The following CCDC187 variants were observed in gnomAD, a reference collection of about 807,000 sequenced individuals.
CCDC187 encodes the protein coiled-coil domain-containing protein 187.
Under a neutral mutation model 38.0 loss-of-function variants are expected in CCDC187, and 32 were observed. That is an observed-to-expected ratio of 0.84 (90% CI 0.64 to 1.13). CCDC187 has a LOEUF of 1.13. Ranked by LOEUF, CCDC187 falls within the 50% of genes most tolerant of loss-of-function variation. The probability of loss-of-function intolerance (pLI) is 0.00; values close to 1 mark genes in which losing one functional copy is unlikely to be tolerated. For missense variants in CCDC187, 707 were observed against 786.8 expected, an observed-to-expected ratio of 0.90 and a Z score of 1.21; for synonymous variants, 333 against 347.9, an observed-to-expected ratio of 0.96 and a Z score of 0.48.
At chr9:136,287,234 TCAGC>T (rs1369770195) in intron 7 of CCDC187, among the ~76,000 whole-genome samples, 27,125 of 152,030 alleles carry the variant, frequency 0.18, 2,521 homozygotes, top group East Asian at 0.27. Flanking sequence ...GTAGAATAAG[TCAGC>T]CAGCCACAAA....
At chr9:136,292,070 G>A (rs1300194860) in intron 5 of CCDC187, 91 bp downstream of exon 5, 16 of 398,374 alleles carry the variant, frequency 4.0e-5, no homozygotes, top group African/African-American at 3.3e-4. Context: ...CTTCCTTCCA[G>A]GCGGCCTGGA....
In CCDC187 at chr9:136,290,659, G is replaced by A. The variant is rs1333553312; in HGVS notation, c.1954C>T (p.Arg652Trp). Reference protein sequence around the residue: ...FMRQKAQARRRQALEEKASAL... With the variant: ...FMRQKAQARRWQALEEKASAL... Reference sequence around the variant, plus strand: ...GAGGCCTTCTCCTCCAGGGCCTGCCGCCGCCGGGCCTGCGCCTTCTGGCGC... The same window carrying A: ...GAGGCCTTCTCCTCCAGGGCCTGCCACCGCCGGGCCTGCGCCTTCTGGCGC... The change falls in exon 6 of 26, where the codon CGG (arginine) becomes TGG (tryptophan). Residue 652 changes from arginine to tryptophan, a missense_variant. By Grantham distance (101) the Arg-to-Trp change is moderately radical (BLOSUM62 -3). Transcript: ENST00000638797. 13 of 398,312 alleles carry A rather than the reference G, an allele frequency of 3.3e-5. No homozygotes were observed. The highest frequency in any genetic ancestry group is 7.1e-5 in the East Asian group (2 of 28,078). 24.7% of individuals were successfully genotyped at this position (398,312 alleles called of 1,614,324 possible).
chr9:136,266,082 C>G (rs1447465882), intron 16 of CCDC187, 39 bp from the exon 17 acceptor site: 1 of 972,634 alleles, frequency 1.0e-6, no homozygotes. Flanking sequence ...ATGTTGACAG[C>G]CCGTGCAAGT....
chr9:136,293,450 T>TGCTCACACACATGC (rs1831423296), intron 4 of CCDC187, among the ~76,000 whole-genome samples: 5 of 35,150 alleles, frequency 1.4e-4, no homozygotes, highest in Non-Finnish European at 3.1e-4. Context: ...CACTCACACA[T>TGCTCACACACATGC]GCTCACACTC....
Position 136,259,363 on chromosome 9 carries a change from G to C in CCDC187, c.4296C>G (p.Pro1432=). Residue 1432 remains proline, a splice_region_variant and synonymous_variant, in exon 21 of 26, where the codon CCC becomes CCG. Transcript: ENST00000638797. ...AAGGGCTTCCAGGGAGAGTGCGTAC[G>C]GGAAAGGCTGGGCCCAGCCGCTGTC... The part of the protein sequence containing the change: ...PDGQRLGPAF[P]AEEAEGRLPT... 1.0e-6 allele frequency: 1 copy of C among 983,604 alleles called. No individual in the cohort carries two copies. The highest frequency in any genetic ancestry group is 4.7e-5 in the South Asian group (1 of 21,076). 60.9% of individuals were successfully genotyped at this position (983,604 alleles called of 1,614,324 possible). A position where few individuals can be genotyped will look rare whatever the true frequency, so the allele number is the denominator to read the frequency against.
intron 2 of CCDC187, among the ~76,000 whole-genome samples, chr9:136,301,940 C>A (rs1032545998): frequency 1.3e-5 from 2 of 151,868 alleles, no homozygotes; most frequent in African/African-American, 2.4e-5. Context: ...GGCTGGGCAC[C>A]GTGGCTCACA....
chr9:136,290,918 G>A lies in CCDC187; in HGVS notation c.1695C>T (p.Pro565=), dbSNP rs1588668819. The change falls in exon 6 of 26, where the codon CCC becomes CCT. Residue 565 remains proline, a synonymous_variant. Transcript: ENST00000638797. ...TCCAGGGCCGCTGGGCTGGAGGACT[G>A]GGCCTTTCCAGAGGGTTCCGCAGTC... ...GPRLRNPLER[P]SPPAQRPWSS... 1 of 398,634 alleles carries A rather than the reference G, an allele frequency of 2.5e-6. No individual in the cohort carries two copies. Among genetic ancestry groups the A allele is most frequent in the Non-Finnish European group, 4.4e-6 (1 of 226,108 alleles). 24.7% of individuals were successfully genotyped at this position (398,634 alleles called of 1,614,324 possible). A position where few individuals can be genotyped will look rare whatever the true frequency, so the allele number is the denominator to read the frequency against.
chr9:136,265,867 TG>T, intron 17 of CCDC187, 88 bp downstream of exon 17: 1 of 638,584 alleles, frequency 1.6e-6, no homozygotes, highest in Non-Finnish European at 1.9e-6. Flanking sequence ...GCTCTGTTGC[TG>T]GGGAATGTTC....
At chr9:136,255,308 C>G (rs946305379) in intron 25 of CCDC187, among the ~76,000 whole-genome samples, 174 bp from the exon 26 acceptor site, 1 of 152,208 alleles carries the variant, frequency 6.6e-6, no homozygotes, top group African/African-American at 2.4e-5. Flanking sequence ...GGGTTCACCA[C>G]GCCCACCCCC....
intron 19 of CCDC187, among the ~76,000 whole-genome samples, chr9:136,260,643 C>T (rs1830668297): frequency 6.6e-6 from 1 of 152,056 alleles, no homozygotes; most frequent in South Asian, 2.1e-4. Context: ...CTCCTGCTGT[C>T]TCAGGTGCCT....
At chr9:136,306,324 TC>T (rs1831803544), upstream of CCDC187, among the ~76,000 whole-genome samples, 1 of 152,054 alleles carries the variant, frequency 6.6e-6, no homozygotes, top group South Asian at 2.1e-4. Flanking sequence ...CTCTCTCCAC[TC>T]CACCCACCAT....
intron 2 of CCDC187, 52 bp from the exon 3 acceptor site, chr9:136,300,370 A>G: frequency 5.0e-6 from 2 of 398,230 alleles, no homozygotes; most frequent in Non-Finnish European, 8.9e-6. Flanking sequence ...ATCCGCAAAG[A>G]ACTTCCAAGA....
At chr9:136,293,959 T>C (rs906834356) in intron 4 of CCDC187, among the ~76,000 whole-genome samples, 1 of 145,732 alleles carries the variant, frequency 6.9e-6, no homozygotes, top group Non-Finnish European at 1.5e-5. Flanking sequence ...CATGCTCATA[T>C]ACACATGCCC....
At chr9:136,259,536 GC>G in intron 20 of CCDC187, 88 bp from the exon 21 acceptor site, 1 of 576,680 alleles carries the variant, frequency 1.7e-6, no homozygotes, top group Non-Finnish European at 2.2e-6. Flanking sequence ...GAATGGAGCT[GC>G]CAGGGGGTGG....
In CCDC187 at chr9:136,250,421, T is replaced by G. The variant is rs193057050; in HGVS notation, c.*3173A>C. The G allele has an allele frequency of 9.9e-4, 288 of 292,302 alleles. No homozygotes were observed. Among genetic ancestry groups the G allele is most frequent in the Middle Eastern group, 5.1e-3 (4 of 786 alleles). 18.1% of individuals were successfully genotyped at this position (292,302 alleles called of 1,614,324 possible). On this transcript the variant is annotated 3_prime_UTR_variant, in exon 26 of 26. Transcript: ENST00000638797. ...CACGTGGCAGCGAGCCTGGGAGCCA[T>G]CAGATTCGCTGCAAATCTGCGGGGC...
At chr9:136,259,124 G>C (rs1554760701) in intron 21 of CCDC187, 123 bp from the exon 22 acceptor site, 1 of 778,200 alleles carries the variant, frequency 1.3e-6, no homozygotes, top group East Asian at 1.3e-4. Context: ...GGACAGCCGG[G>C]GGCGGACAGG....
intron 10 of CCDC187, among the ~76,000 whole-genome samples, chr9:136,277,143 T>G (rs1830947375): frequency 6.6e-6 from 1 of 151,798 alleles, no homozygotes; most frequent in Non-Finnish European, 1.5e-5. Context: ...CATGTGACCT[T>G]GAACAAATCA....
chr9:136,267,297 AG>A, intron 16 of CCDC187, 86 bp downstream of exon 16: 1 of 789,820 alleles, frequency 1.3e-6, no homozygotes, highest in African/African-American at 4.6e-5. Context: ...CGGACGGGGC[AG>A]GGAGGGGGCG....
chr9:136,259,643 G>A (rs1367993269), intron 20 of CCDC187, among the ~76,000 whole-genome samples, 195 bp from the exon 21 acceptor site: 3 of 152,182 alleles, frequency 2.0e-5, no homozygotes, highest in Admixed American at 6.5e-5. Context: ...CTGGAGGCCC[G>A]AGGGTCTGCT....
Sources: allele counts gnomAD v4.1 joint callset (sites outside exome capture counted in the v4.1 genomes callset), GRCh38; gene constraint gnomAD v4.1.1; transcripts MANE v1.5; gene names NCBI Gene and HGNC (gene_info 2026-07-23, HGNC 2026-07-21).